GRB10: variants seen among roughly 807,000 people sequenced by gnomAD.
GRB10 encodes growth factor receptor bound protein 10, also known as growth factor receptor-bound protein 10.
Under a neutral mutation model 80.9 loss-of-function variants are expected in GRB10, and 20 were observed. The observed-to-expected ratio is 0.25, with a 90% CI of 0.17 to 0.36. GRB10 has a LOEUF of 0.36. Ranked by LOEUF, GRB10 falls within the 10% of genes least tolerant of loss-of-function variation. GRB10 has a pLI of 1.00. For synonymous variants in GRB10, 291 were observed against 291.5 expected (o/e 1.00, Z 0.02); for missense variants, 548 against 747.7 (o/e 0.73, Z 3.12).
intron 3 of GRB10, among the ~76,000 whole-genome samples, chr7:50,750,546 T>C (rs1299633286): frequency 6.6e-6 from 1 of 152,134 alleles, no homozygotes; most frequent in Non-Finnish European, 1.5e-5. Context: ...GCCGAGAGTC[T>C]CTCTTGGGGC....
chr7:50,609,489 A>T (rs2049127087), intron 13 of GRB10, among the ~76,000 whole-genome samples: 1 of 152,238 alleles, frequency 6.6e-6, no homozygotes, highest in South Asian at 2.1e-4. Context: ...ATTTTATTTT[A>T]TTCACATGTT....
chr7:50,746,869 T>G (rs541034236), intron 3 of GRB10, among the ~76,000 whole-genome samples: 1 of 152,212 alleles, frequency 6.6e-6, no homozygotes, highest in Admixed American at 6.5e-5. Context: ...ATTCATGACC[T>G]CTTCCTGCCC....
upstream of GRB10, among the ~76,000 whole-genome samples, chr7:50,783,146 C>G (rs1262460044): frequency 1.3e-5 from 2 of 152,236 alleles, no homozygotes; most frequent in Non-Finnish European, 2.9e-5. Context: ...ACATCGCGGC[C>G]GCGGCAAGCT....
chr7:50,655,218 C>G (rs117200195), intron 7 of GRB10, among the ~76,000 whole-genome samples: 5 of 152,284 alleles, frequency 3.3e-5, no homozygotes, highest in African/African-American at 1.2e-4. Context: ...TCAGGAGCCA[C>G]ACAATGCTGC....
intron 7 of GRB10, among the ~76,000 whole-genome samples, chr7:50,667,027 A>G (rs2059886525): frequency 8.1e-6 from 1 of 123,062 alleles, no homozygotes; most frequent in African/African-American, 3.2e-5. Context: ...TGGGCGACAG[A>G]GCGAGACTCT....
chr7:50,787,606 C>G (rs2078748147), upstream of GRB10, among the ~76,000 whole-genome samples: 1 of 152,288 alleles, frequency 6.6e-6, no homozygotes, highest in East Asian at 1.9e-4. Context: ...TGTGTCCACT[C>G]ACTGCCCTGC....
Position 50,591,816 on chromosome 7 carries a change from T to C in GRB10, c.*1136A>G, listed in dbSNP as rs2045879528. On this transcript the variant is annotated 3_prime_UTR_variant, in exon 19 of 19. Coordinates refer to ENST00000401949, the MANE Select transcript of GRB10 (RefSeq NM_001350814.2). ...ACGGAGGGCTGCAAGCAAAGATCTT[T>C]AAATATCAGCCTGTGCCTGTGGCCC... 6.6e-6 allele frequency: 1 copy of C among 152,260 alleles called. No homozygotes were observed. Among genetic ancestry groups the C allele is most frequent in the Non-Finnish European group, 1.5e-5 (1 of 68,062 alleles). The allele number at this position is 152,260 out of a possible 1,614,324, so 9.4% of individuals were successfully genotyped here. A position where few individuals can be genotyped will look rare whatever the true frequency, so the allele number is the denominator to read the frequency against.
intron 2 of GRB10, among the ~76,000 whole-genome samples, chr7:50,766,070 T>A (rs2076313199): frequency 6.6e-6 from 1 of 152,242 alleles, no homozygotes; most frequent in Admixed American, 6.5e-5. Context: ...AATTTCACTC[T>A]CTACAGACTT....
At chr7:50,631,959 C>A (rs1019140152) in intron 7 of GRB10, among the ~76,000 whole-genome samples, 2 of 152,174 alleles carry the variant, frequency 1.3e-5, no homozygotes, top group African/African-American at 4.8e-5. Context: ...CACTACCCAG[C>A]GTGTACCAGG....
At chr7:50,791,746 C>G (rs2078924211) in intron 1 of GRB10, among the ~76,000 whole-genome samples, 1 of 152,238 alleles carries the variant, frequency 6.6e-6, no homozygotes, top group African/African-American at 2.4e-5. Flanking sequence ...TTGCCCTTCT[C>G]TTTCAAGTGC....
intron 2 of GRB10, chr7:50,779,110 T>C (rs938001831): frequency 2.6e-5 from 4 of 152,188 alleles, no homozygotes; most frequent in Non-Finnish European, 5.9e-5. Context: ...GATTAAGTAA[T>C]AGCATTATTA....
chr7:50,775,159 T>G (rs1588070517), intron 2 of GRB10, among the ~76,000 whole-genome samples: 2 of 7,900 alleles, frequency 2.5e-4, no homozygotes, highest in East Asian at 4.0e-3. Flanking sequence ...AGATCCTGTC[T>G]CCAAAAAAAA....
chr7:50,781,092 C>A, intron 1 of GRB10: 1 of 152,342 alleles, frequency 6.6e-6, no homozygotes, highest in Non-Finnish European at 1.5e-5. Flanking sequence ...ACTCCATTCA[C>A]CATGTTCCTC....
At chr7:50,755,756 T>C (rs985009255) in intron 3 of GRB10, 131 bp downstream of exon 3, 1 of 397,232 alleles carries the variant, frequency 2.5e-6, no homozygotes, top group Non-Finnish European at 4.4e-6. Context: ...TTGGGAACCT[T>C]GGAATAAAGG....
In GRB10 at chr7:50,617,933, C is replaced by A. The variant is rs553446832; in HGVS notation, c.846+138G>T. On this transcript the variant is annotated intron_variant, in intron 10 of 18. Coordinates refer to ENST00000401949, the MANE Select transcript of GRB10 (RefSeq NM_001350814.2). ...TTACTCTAAACCCTCCCCCCAACCA[C>A]CCCTCCGGCTTAAGAGCCAAGGTTA... 26 of 780,506 alleles carry A rather than the reference C, an allele frequency of 3.3e-5. No homozygotes were observed. The African/African-American group carries it at 3.4e-4, about 10-fold the overall frequency. The allele number at this position is 780,506 out of a possible 1,614,324, so 48.3% of individuals were successfully genotyped here. A position where few individuals can be genotyped will look rare whatever the true frequency, so the allele number is the denominator to read the frequency against.
intron 7 of GRB10, among the ~76,000 whole-genome samples, chr7:50,667,642 A>G (rs758476889): frequency 2.6e-5 from 4 of 151,836 alleles, no homozygotes; most frequent in Non-Finnish European, 4.4e-5. Flanking sequence ...AGATAAAGAA[A>G]TATCCCTTCA....
At chr7:50,595,171 C>T (rs913241043) in intron 18 of GRB10, among the ~76,000 whole-genome samples, 5 of 152,200 alleles carry the variant, frequency 3.3e-5, no homozygotes, top group East Asian at 1.9e-4. Context: ...TGATCCTCCC[C>T]ATCAGTACCC....
intron 5 of GRB10, among the ~76,000 whole-genome samples, chr7:50,686,834 TGGAGA>T (rs2062155791): frequency 1.3e-5 from 2 of 152,178 alleles, no homozygotes; most frequent in South Asian, 4.1e-4. Context: ...AGACACAGAG[TGGAGA>T]GTCTGCCTAA....
At chr7:50,787,196 A>G (rs4947886), upstream of GRB10, among the ~76,000 whole-genome samples, 137,830 of 152,078 alleles carry the variant, frequency 0.91, 62,611 homozygotes, top group African/African-American at 0.96. Context: ...TGGGGATGGG[A>G]CAAAGGGCAT....
Sources: allele counts gnomAD v4.1 joint callset (sites outside exome capture counted in the v4.1 genomes callset), GRCh38; gene constraint gnomAD v4.1.1; transcripts MANE v1.5; gene names NCBI Gene and HGNC (gene_info 2026-07-23, HGNC 2026-07-21).